Variants in TLK1 observed in about 807,000 individuals in gnomAD.
The protein encoded by TLK1 is tousled like kinase 1.
A neutral mutation model predicts 105.3 loss-of-function variants in TLK1; 24 were observed. The ratio of observed to expected loss-of-function variants is 0.23; its 90% confidence interval spans 0.17 to 0.32. TLK1 has a LOEUF of 0.32. TLK1 is among the 10% of genes least tolerant of loss of function. The pLI is 1.00. For synonymous variants in TLK1, 321 were observed against 310.4 expected (o/e 1.03, Z -0.36); for missense variants, 558 against 910.5 (o/e 0.61, Z 4.98).
intron 12 of TLK1, among the ~76,000 whole-genome samples, chr2:171,024,751 G>T (rs1374797512): frequency 6.6e-6 from 1 of 152,146 alleles, no homozygotes; most frequent in Non-Finnish European, 1.5e-5. Flanking sequence ...TTTCAAAAAG[G>T]TGTAATTAAT....
chr2:171,041,635 T>C (rs1321656030), intron 11 of TLK1, among the ~76,000 whole-genome samples: 1 of 152,194 alleles, frequency 6.6e-6, no homozygotes. Flanking sequence ...ATACAATGCC[T>C]GATTATCTGA....
At chr2:171,043,102 C>A (rs1686768522) in intron 11 of TLK1, among the ~76,000 whole-genome samples, 1 of 151,798 alleles carries the variant, frequency 6.6e-6, no homozygotes, top group African/African-American at 2.4e-5. Flanking sequence ...GTTATGGAAA[C>A]AGACACAGAG....
intron 2 of TLK1, among the ~76,000 whole-genome samples, chr2:171,108,265 A>G (rs1690017590): frequency 6.6e-6 from 1 of 152,216 alleles, no homozygotes; most frequent in South Asian, 2.1e-4. Flanking sequence ...AGTAAAAAGT[A>G]ATACAAATTT....
intron 11 of TLK1, among the ~76,000 whole-genome samples, chr2:171,038,926 T>C (rs1187537479): frequency 6.6e-6 from 1 of 152,200 alleles, no homozygotes; most frequent in Non-Finnish European, 1.5e-5. Flanking sequence ...CTAAGAAATG[T>C]GCTTAAATCT....
At chr2:171,143,970 T>C (rs1691692884) in intron 1 of TLK1, among the ~76,000 whole-genome samples, 1 of 152,044 alleles carries the variant, frequency 6.6e-6, no homozygotes, top group Non-Finnish European at 1.5e-5. Context: ...GATTCAAAAA[T>C]ACAAACGGGA....
chr2:171,013,084 A>G (rs1684999166), intron 13 of TLK1, among the ~76,000 whole-genome samples: 2 of 150,662 alleles, frequency 1.3e-5, no homozygotes, highest in Non-Finnish European at 1.5e-5. Flanking sequence ...GCTGGAGTGC[A>G]GTGGCGCAAC....
chr2:171,113,699 GT>G (rs1319136723), intron 2 of TLK1, among the ~76,000 whole-genome samples: 1 of 152,126 alleles, frequency 6.6e-6, no homozygotes, highest in South Asian at 2.1e-4. Flanking sequence ...GAGAAAACTT[GT>G]TCACTAGATG....
chr2:171,001,484 C>T (rs1684368947), intron 18 of TLK1, among the ~76,000 whole-genome samples: 1 of 152,132 alleles, frequency 6.6e-6, no homozygotes, highest in African/African-American at 2.4e-5. Context: ...TTGTCCAGGC[C>T]TCCTTGTTGT....
chr2:171,149,992 A>G (rs1691968128), intron 1 of TLK1, among the ~76,000 whole-genome samples: 1 of 152,204 alleles, frequency 6.6e-6, no homozygotes. Context: ...AATGAAAATA[A>G]AAAATAGCCA....
chr2:171,086,809 T>A (rs1575586417), intron 2 of TLK1, among the ~76,000 whole-genome samples: 1 of 149,386 alleles, frequency 6.7e-6, no homozygotes, highest in Admixed American at 6.7e-5. Context: ...AAAACAAGAG[T>A]TTCAAGCTTC....
At chr2:171,009,291 CTTTTTTTTTT>C (rs71008743) in intron 14 of TLK1, among the ~76,000 whole-genome samples, 32 of 74,838 alleles carry the variant, frequency 4.3e-4, no homozygotes, top group African/African-American at 7.9e-4. Context: ...ATTTCTTTTC[CTTTTTTTTTT>C]TTTTTTTTTT....
At position 171,160,459 on chromosome 2, in the gene TLK1, C is replaced by T. The variant is rs779544537; in HGVS notation, c.-31G>A. 5 of 1,583,116 alleles carry T rather than the reference C, an allele frequency of 3.2e-6. No individual in the cohort carries two copies. Among genetic ancestry groups the T allele is most frequent in the African/African-American group, 1.4e-5 (1 of 72,316 alleles). On this transcript the variant is annotated 5_prime_UTR_variant, in exon 1 of 21. Coordinates refer to ENST00000431350, the MANE Select transcript of TLK1 (RefSeq NM_012290.5). This position sits in a 1 kb window ranked among gnomAD's most constrained non-coding sequence, Gnocchi z 4.4. Reference sequence around the variant, plus strand: ...TACTTTCTGGGAACCCGACTCCCCCCCTGCGACGGCAGCGGCGGCAACGGC... The same window carrying T: ...TACTTTCTGGGAACCCGACTCCCCCTCTGCGACGGCAGCGGCGGCAACGGC...
rs1683863451 is a variant in TLK1, at chr2:170,993,191, T to C, written c.*589A>G. On this transcript the variant is annotated 3_prime_UTR_variant, in exon 21 of 21. Transcript: ENST00000431350. ...ATCTCGAGGTACAACTTGGTAAAAG[T>C]CTGAATAGGCAAATGACAAAGCCTA... 1 of 152,616 alleles carries C rather than the reference T, an allele frequency of 6.6e-6. No homozygotes were observed. Among genetic ancestry groups the C allele is most frequent in the African/African-American group, 2.4e-5 (1 of 41,436 alleles). 9.5% of individuals were successfully genotyped at this position (152,616 alleles called of 1,614,324 possible).
rs1194999914 is a variant in TLK1 at position 170,991,001 on chromosome 2, T to C, written c.*2779A>G. 2.4e-5 allele frequency: 3 copies of C among 125,880 alleles called. No homozygotes were observed. The highest frequency in any genetic ancestry group is 8.7e-5 in the African/African-American group (3 of 34,528). 7.8% of individuals were successfully genotyped at this position (125,880 alleles called of 1,614,324 possible). ...TGTTTTAGAAGGAGATGGTAGTGAG[T>C]GTTTAAAAAAAAAAAAAAGATTGAG... is the stretch of plus-strand genomic sequence containing the variant. On this transcript the variant is annotated 3_prime_UTR_variant, in exon 21 of 21. Coordinates refer to ENST00000431350, the MANE Select transcript of TLK1 (RefSeq NM_012290.5).
At chr2:171,118,040 A>G (rs916836790) in intron 1 of TLK1, among the ~76,000 whole-genome samples, 183 bp from the exon 2 acceptor site, 1 of 152,196 alleles carries the variant, frequency 6.6e-6, no homozygotes, top group Admixed American at 6.5e-5. Flanking sequence ...ACATCCTACA[A>G]TGGATTTCCA....
intron 12 of TLK1, among the ~76,000 whole-genome samples, chr2:171,020,688 G>C (rs1685455430): frequency 6.6e-6 from 1 of 152,008 alleles, no homozygotes; most frequent in African/African-American, 2.4e-5. Flanking sequence ...ATGAATGTGT[G>C]AGATATGAAC....
chr2:171,187,083 AGAAAAAGAAAAAG>A, intron 1 of TLK1, among the ~76,000 whole-genome samples: 2 of 124,110 alleles, frequency 1.6e-5, no homozygotes, highest in African/African-American at 7.6e-5. Context: ...AAAAAAAAAA[AGAAAAAGAAAAAG>A]AAAAAGAAAA....
chr2:171,216,243 G>A (rs374104341), intron 1 of TLK1, among the ~76,000 whole-genome samples: 2 of 152,304 alleles, frequency 1.3e-5, no homozygotes, highest in African/African-American at 2.4e-5. Context: ...TTGGGAGGCC[G>A]AGGCGGGCAG....
At chr2:171,077,326 G>A (rs987307575) in intron 3 of TLK1, among the ~76,000 whole-genome samples, 1 of 152,190 alleles carries the variant, frequency 6.6e-6, no homozygotes, top group Non-Finnish European at 1.5e-5. Context: ...GAAAAGATGT[G>A]TGGTTTTATT....
Sources: allele counts gnomAD v4.1 joint callset (sites outside exome capture counted in the v4.1 genomes callset), GRCh38; gene constraint gnomAD v4.1.1; non-coding constraint Gnocchi (gnomAD v3.1); transcripts MANE v1.5; gene names NCBI Gene and HGNC (gene_info 2026-07-23, HGNC 2026-07-21).